The following ZC3H12B variants were observed in gnomAD, a reference collection of about 807,000 sequenced individuals.
ZC3H12B encodes probable ribonuclease ZC3H12B.
A neutral mutation model predicts 43.9 loss-of-function variants in ZC3H12B; 7 were observed. The ratio of observed to expected loss-of-function variants is 0.16; its 90% CI spans 0.09 to 0.30. ZC3H12B has a LOEUF of 0.30. Among genes scored for constraint, ZC3H12B ranks in the 10% least tolerant of loss-of-function variants. The pLI is 1.00. For synonymous variants in ZC3H12B, 222 were observed against 241.7 expected (o/e 0.92, Z 0.76); for missense variants, 475 against 670.2 (o/e 0.71, Z 3.22).
the ZC3H12B span, among the ~76,000 whole-genome samples, chrX:65,312,952 G>A: frequency 9.0e-6 from 1 of 111,678 alleles, no homozygotes; most frequent in African/African-American, 3.3e-5. Context: ...TGCAATCTCA[G>A]CTCACTGCAA....
the ZC3H12B span, among the ~76,000 whole-genome samples, chrX:65,057,349 G>A: frequency 4.5e-5 from 5 of 111,563 alleles, no homozygotes; most frequent in East Asian, 8.4e-4. Context: ...ATGAAGCTTA[G>A]TTTGGCTGGA....
the ZC3H12B span, among the ~76,000 whole-genome samples, chrX:65,264,375 A>T: frequency 8.9e-6 from 1 of 111,959 alleles, no homozygotes; most frequent in Non-Finnish European, 1.9e-5. Flanking sequence ...TCATTCAGTC[A>T]ATTTCAAGTT....
At chrX:65,150,495 G>A in the ZC3H12B span, among the ~76,000 whole-genome samples, 4 of 108,564 alleles carry the variant, frequency 3.7e-5, no homozygotes, top group Non-Finnish European at 7.6e-5. Context: ...CCCTGCCCCC[G>A]ACCCCCCAAC....
intron 2 of ZC3H12B, among the ~76,000 whole-genome samples, chrX:65,378,538 G>A (rs2066382410): frequency 1.8e-5 from 2 of 112,050 alleles, no homozygotes; most frequent in Admixed American, 9.4e-5. Context: ...AAGACGAGAA[G>A]GAAGGAAAGA....
At chrX:65,183,643 A>G in the ZC3H12B span, among the ~76,000 whole-genome samples, 1 of 111,915 alleles carries the variant, frequency 8.9e-6, no homozygotes, top group Non-Finnish European at 1.9e-5. Flanking sequence ...TTGGTGAGAT[A>G]CTTATCTTTT....
At chrX:65,169,421 T>G in the ZC3H12B span, among the ~76,000 whole-genome samples, 1 of 112,043 alleles carries the variant, frequency 8.9e-6, no homozygotes, top group Admixed American at 9.5e-5. Context: ...ATTTCTGTTA[T>G]TTTACATTTG....
the ZC3H12B span, among the ~76,000 whole-genome samples, chrX:65,327,469 C>G: frequency 3.6e-5 from 4 of 111,052 alleles, no homozygotes; most frequent in Admixed American, 9.7e-5. Context: ...ACAAAAACCA[C>G]GAAACAAGCC....
chrX:65,466,089 A>G (rs2148185769), intron 3 of ZC3H12B, among the ~76,000 whole-genome samples: 1 of 110,609 alleles, frequency 9.0e-6, no homozygotes, highest in African/African-American at 3.3e-5. Context: ...GTTGTACATT[A>G]GATCACCAGA....
chrX:65,035,673 G>T, the ZC3H12B span, among the ~76,000 whole-genome samples: 1 of 110,917 alleles, frequency 9.0e-6, no homozygotes, highest in Non-Finnish European at 1.9e-5. Flanking sequence ...CCCATTCCCC[G>T]GGCTGCTGTC....
chrX:65,377,197 A>T lies in ZC3H12B; in HGVS notation n.295+8199A>T, dbSNP rs774432745. On this transcript the variant is annotated intron_variant and non_coding_transcript_variant, in intron 2 of 5. Coordinates refer to the ZC3H12B transcript ENST00000617377. ...AAATTAGTGGACTTGAAGGTAGGCT[A>T]TTTGAAAATATACAGTCCGAGGAGA... is the stretch of plus-strand genomic sequence containing the variant. Among the ~76,000 whole-genome samples, 22 of 108,525 alleles carry T rather than the reference A, an allele frequency of 2.0e-4. No individual in the cohort carries two copies. In the South Asian group the frequency reaches 6.0e-3, roughly 30 times the overall value. The allele number at this position is 108,525 out of a possible 115,157, so 94.2% of individuals were successfully genotyped here. A position where few individuals can be genotyped will look rare whatever the true frequency, so the allele number is the denominator to read the frequency against.
the ZC3H12B span, among the ~76,000 whole-genome samples, chrX:65,151,333 G>A: frequency 1.4e-4 from 16 of 111,998 alleles, no homozygotes; most frequent in African/African-American, 5.2e-4. Context: ...GAAAATATCT[G>A]TCACTCGAAA....
the ZC3H12B span, among the ~76,000 whole-genome samples, chrX:65,039,069 G>A: frequency 9.0e-6 from 1 of 111,170 alleles, no homozygotes; most frequent in Non-Finnish European, 1.9e-5. Flanking sequence ...AAAAAAAAGT[G>A]GAGACTACCA....
At chrX:65,359,973 C>T in the ZC3H12B span, among the ~76,000 whole-genome samples, 1 of 111,809 alleles carries the variant, frequency 8.9e-6, no homozygotes, top group African/African-American at 3.2e-5. Flanking sequence ...TCTTCAGGCG[C>T]CACCACCCTG....
In ZC3H12B at chrX:65,438,901, G is replaced by A. The variant is rs192752301; in HGVS notation, n.407+40197G>A. ...AGATTGTATTTATGGCCAGTTTTGG[G>A]GCCAGTTTATGGCCAGACTTTGGGA... On this transcript the variant is annotated intron_variant and non_coding_transcript_variant, in intron 3 of 5. Transcript: ENST00000617377. Among the ~76,000 whole-genome samples, 16 of 112,837 alleles carry A rather than the reference G, an allele frequency of 1.4e-4. No homozygotes were observed. The East Asian group carries it at 3.9e-3, about 28-fold the overall frequency.
At chrX:65,112,938 T>A in the ZC3H12B span, among the ~76,000 whole-genome samples, 2 of 112,215 alleles carry the variant, frequency 1.8e-5, no homozygotes, top group Admixed American at 1.9e-4. Context: ...ATTCTTCTGA[T>A]GGATCTTGGA....
the ZC3H12B span, among the ~76,000 whole-genome samples, chrX:65,169,784 T>C: frequency 8.9e-6 from 1 of 112,324 alleles, no homozygotes; most frequent in Non-Finnish European, 1.9e-5. Context: ...TTTACCATTA[T>C]GTAATGGCCT....
At chrX:65,153,989 C>T in the ZC3H12B span, among the ~76,000 whole-genome samples, 1 of 110,884 alleles carries the variant, frequency 9.0e-6, no homozygotes, top group Admixed American at 9.6e-5. Context: ...GACAAAAAAC[C>T]AAACACCGCA....
At chrX:65,159,373 C>G in the ZC3H12B span, among the ~76,000 whole-genome samples, 676 of 111,767 alleles carry the variant, frequency 6.0e-3, 6 homozygotes, top group African/African-American at 0.02. Context: ...TGGCCGTTTT[C>G]ATGGTATTGA....
the ZC3H12B span, among the ~76,000 whole-genome samples, chrX:65,281,001 A>G: frequency 8.9e-6 from 1 of 111,735 alleles, no homozygotes; most frequent in Non-Finnish European, 1.9e-5. Context: ...AAATACAATG[A>G]CATTTCTTAC....
Sources: gnomAD v4.1 joint callset for allele counts (sites outside exome capture counted in the v4.1 genomes callset) on GRCh38, gnomAD v4.1.1 for gene constraint, MANE v1.5 for transcripts, NCBI Gene and HGNC (gene_info 2026-07-23, HGNC 2026-07-21) for gene names.